ADRA1A: variants seen among roughly 807,000 people sequenced by gnomAD.
ADRA1A encodes the protein adrenoceptor alpha 1A.
Under a neutral mutation model 29.6 loss-of-function variants are expected in ADRA1A, and 31 were observed. The observed-to-expected ratio is 1.05, with a 90% CI of 0.79 to 1.41. ADRA1A has a LOEUF of 1.41. Ranked by LOEUF, ADRA1A falls within the 40% of genes most tolerant of loss-of-function variation. The pLI, the probability that ADRA1A is intolerant of heterozygous loss-of-function variation, is 0.00. For missense variants in ADRA1A, 619 were observed against 601.1 expected (o/e 1.03, Z -0.31); for synonymous variants, 311 against 254.3 (o/e 1.22, Z -2.12).
At chr8:26,773,625 GAAAA>G (rs370696696) in intron 2 of ADRA1A, among the ~76,000 whole-genome samples, 1 of 150,360 alleles carries the variant, frequency 6.7e-6, no homozygotes, top group African/African-American at 2.4e-5. Flanking sequence ...TTTTAAAAAA[GAAAA>G]AAAAATATGC....
At chr8:26,862,466 G>T (rs146882307) in intron 2 of ADRA1A, among the ~76,000 whole-genome samples, 4 of 152,130 alleles carry the variant, frequency 2.6e-5, no homozygotes. Flanking sequence ...AAATACAACC[G>T]TCTCATTGGC....
chr8:26,847,159 T>C (rs1270001016), intron 2 of ADRA1A, among the ~76,000 whole-genome samples: 1 of 152,076 alleles, frequency 6.6e-6, no homozygotes, highest in African/African-American at 2.4e-5. Context: ...GCATGGCACA[T>C]GTATACATAT....
In ADRA1A at chr8:26,841,093, T is replaced by G. The variant is rs1811786818; in HGVS notation, c.883+22994A>C. On this transcript the variant is annotated intron_variant, in intron 2 of 2. Transcript: ENST00000380573. This position sits in a 1 kb window ranked among gnomAD's most constrained non-coding sequence, Gnocchi z 4.4. Reference sequence around the variant, plus strand: ...TCCTGGGCCAGTTACTTAACCACCCTCTACCACAGTTTCCTCAGGTTGGAA... The same window carrying G: ...TCCTGGGCCAGTTACTTAACCACCCGCTACCACAGTTTCCTCAGGTTGGAA... Among the ~76,000 whole-genome samples the G allele has an allele frequency of 6.6e-6, 1 of 152,218 alleles. No individual in the cohort carries two copies. The highest frequency in any genetic ancestry group is 1.5e-5 in the Non-Finnish European group (1 of 68,046).
intron 2 of ADRA1A, among the ~76,000 whole-genome samples, chr8:26,840,651 T>A (rs495495): frequency 0.67 from 101,808 of 151,716 alleles, 34,597 homozygotes; most frequent in African/African-American, 0.76. Context: ...CAGATTGGAA[T>A]TATTACCTTC....
At chr8:26,756,608 A>G in exon 3 of ADRA1A, 4 of 1,560,296 alleles carry the variant, frequency 2.6e-6, no homozygotes, top group Non-Finnish European at 3.5e-6. Context: ...AGTCAGATGG[A>G]TGCTTGATAA....
At chr8:26,763,954 T>C (rs1805641689), downstream of ADRA1A, among the ~76,000 whole-genome samples, 1 of 152,140 alleles carries the variant, frequency 6.6e-6, no homozygotes, top group African/African-American at 2.4e-5. This position sits in a 1 kb window ranked among gnomAD's most constrained non-coding sequence, Gnocchi z 4.5. Context: ...TTAAATAGAT[T>C]TTTATTTTTT....
chr8:26,782,179 A>G (rs975638360), intron 2 of ADRA1A, among the ~76,000 whole-genome samples: 2 of 152,178 alleles, frequency 1.3e-5, no homozygotes, highest in Non-Finnish European at 2.9e-5. Flanking sequence ...TAAGCTAGGG[A>G]TGAAGATTGG....
intron 2 of ADRA1A, among the ~76,000 whole-genome samples, chr8:26,861,264 G>C (rs905074723): frequency 2.1e-5 from 3 of 142,326 alleles, no homozygotes; most frequent in Non-Finnish European, 4.6e-5. Flanking sequence ...TTTGCTGGCT[G>C]TTTCTCCTGT....
At chr8:26,830,473 C>T (rs984753126) in intron 2 of ADRA1A, among the ~76,000 whole-genome samples, 1 of 152,112 alleles carries the variant, frequency 6.6e-6, no homozygotes, top group African/African-American at 2.4e-5. Flanking sequence ...GACTGGACCA[C>T]AGGGAAATAA....
intron 2 of ADRA1A, among the ~76,000 whole-genome samples, chr8:26,851,447 TATG>T (rs1348128131): frequency 6.6e-6 from 1 of 152,190 alleles, no homozygotes; most frequent in East Asian, 1.9e-4. Flanking sequence ...CCAGAAAGCA[TATG>T]ATAAGTTGAC....
intron 2 of ADRA1A, among the ~76,000 whole-genome samples, chr8:26,857,176 C>T (rs561980041): frequency 6.6e-6 from 1 of 152,212 alleles, no homozygotes; most frequent in East Asian, 1.9e-4. Context: ...GGAGAGCTGC[C>T]ATGCTATAAG....
chr8:26,839,157 A>ATT lies in ADRA1A; in HGVS notation c.883+24928_883+24929dup, dbSNP rs11352512. Among the ~76,000 whole-genome samples the ATT allele has an allele frequency of 7.5e-5, 9 of 119,918 alleles. No homozygotes were observed. The South Asian group carries it at 8.7e-4, about 12-fold the overall frequency. 78.7% of individuals were successfully genotyped at this position (119,918 alleles called of 152,430 possible). A position where few individuals can be genotyped will look rare whatever the true frequency, so the allele number is the denominator to read the frequency against. The stretch of plus-strand genomic sequence containing the variant: ...GTGGTGCTTCACTTCTCTGTGAAGA[A>ATT]TTTTTTTTTTTTTTTTTTTTGAGAT... On this transcript the variant is annotated intron_variant, in intron 2 of 2. Coordinates refer to ENST00000380573, the MANE Select transcript of ADRA1A (RefSeq NM_000680.4).
At position 26,841,650 on chromosome 8, in the gene ADRA1A, T is replaced by C. The variant is rs1811826934; in HGVS notation, c.883+22437A>G. ...CACATCCTCCATGACAAGCCTCCTG[T>C]CCCTAACATTCAGCTGAAACTGTTC... On this transcript the variant is annotated intron_variant, in intron 2 of 2. Transcript: ENST00000380573. The surrounding 1 kb of genome is among the most constrained non-coding windows in gnomAD (Gnocchi z 4.4). Among the ~76,000 whole-genome samples, 1 of 152,124 alleles carries C rather than the reference T, an allele frequency of 6.6e-6. No homozygotes were observed. The highest frequency in any genetic ancestry group is 1.5e-5 in the Non-Finnish European group (1 of 68,024).
In ADRA1A at chr8:26,787,027, T is replaced by C. The variant is rs1456228803; in HGVS notation, c.884-16361A>G. On this transcript the variant is annotated intron_variant, in intron 2 of 2. Transcript: ENST00000380573. This position sits in a 1 kb window ranked among gnomAD's most constrained non-coding sequence, Gnocchi z 4.2. The stretch of plus-strand genomic sequence containing the variant: ...TTCTCCCAAGAACATGATGTGACTG[T>C]ATTACCAACCTCATCTTACAGATGA... Among the ~76,000 whole-genome samples the C allele has an allele frequency of 6.6e-6, 1 of 152,176 alleles. No homozygotes were observed. Among genetic ancestry groups the C allele is most frequent in the Admixed American group, 6.5e-5 (1 of 15,276 alleles).
At position 26,867,265 on chromosome 8, in the gene ADRA1A, C is replaced by A. The variant is rs1201881915; in HGVS notation, c.-1016G>T. 3.0e-6 allele frequency: 3 copies of A among 985,372 alleles called. No individual in the cohort carries two copies. The highest frequency in any genetic ancestry group is 3.5e-5 in the African/African-American group (2 of 57,258). The allele number at this position is 985,372 out of a possible 1,614,324, so 61.0% of individuals were successfully genotyped here. On this transcript the variant is annotated 5_prime_UTR_variant, in exon 1 of 3. Transcript: ENST00000380573. ...GAATAGCAAGGAACTTTGCAGCTCTCGCTGACGTAACTCAGGCAGTAGCCC... is the reference window on the plus strand; with the variant it reads ...GAATAGCAAGGAACTTTGCAGCTCTAGCTGACGTAACTCAGGCAGTAGCCC...
intron 2 of ADRA1A, among the ~76,000 whole-genome samples, chr8:26,850,735 G>A (rs1396424097): frequency 2.0e-5 from 3 of 152,272 alleles, no homozygotes; most frequent in African/African-American, 4.8e-5. Context: ...CAAGTGATCC[G>A]CCCACCTCGG....
intron 2 of ADRA1A, among the ~76,000 whole-genome samples, chr8:26,774,364 AGAGT>A (rs929253678): frequency 6.6e-6 from 1 of 152,190 alleles, no homozygotes; most frequent in Non-Finnish European, 1.5e-5. Context: ...AACTTTCCAA[AGAGT>A]GAGAAAAGAC....
At chr8:26,850,155 G>A (rs762952094) in intron 2 of ADRA1A, among the ~76,000 whole-genome samples, 1 of 151,930 alleles carries the variant, frequency 6.6e-6, no homozygotes, top group African/African-American at 2.4e-5. Context: ...AAGGTGCACT[G>A]GATCTCAAGC....
At chr8:26,756,560 C>T in exon 3 of ADRA1A, 5 of 1,547,086 alleles carry the variant, frequency 3.2e-6, no homozygotes, top group Non-Finnish European at 4.4e-6. Context: ...TACTGTTTTT[C>T]CTGTATCAGT....
Sources: gnomAD v4.1 joint callset for allele counts (sites outside exome capture counted in the v4.1 genomes callset) on GRCh38, gnomAD v4.1.1 for gene constraint, Gnocchi (gnomAD v3.1) non-coding constraint, MANE v1.5 for transcripts, NCBI Gene and HGNC (gene_info 2026-07-23, HGNC 2026-07-21) for gene names.